LRP5: variants seen among roughly 807,000 people sequenced by gnomAD.
The protein encoded by LRP5 is LDL receptor related protein 5.
LRP5 carries 62 observed loss-of-function variants against 154.1 expected under a neutral mutation model. The observed-to-expected ratio is 0.40, with a 90% confidence interval of 0.33 to 0.50. The LOEUF is 0.50. Among genes scored for constraint, LRP5 ranks in the 20% least tolerant of loss-of-function variants. LRP5 has a pLI of 0.55. For synonymous variants in LRP5, 966 were observed against 1,011.5 expected (o/e 0.96, Z 0.85); for missense variants, 1,915 against 2,336.7 (o/e 0.82, Z 3.72).
chr11:68,316,524 G>A (rs551437621), intron 1 of LRP5, among the ~76,000 whole-genome samples: 4 of 152,252 alleles, frequency 2.6e-5, no homozygotes, highest in African/African-American at 7.2e-5. Context: ...TGCCGGCCTC[G>A]GCCTCCCAAA....
intron 1 of LRP5, among the ~76,000 whole-genome samples, chr11:68,337,144 A>G (rs769240485): frequency 1.3e-5 from 2 of 152,164 alleles, no homozygotes; most frequent in Admixed American, 6.5e-5. Flanking sequence ...TCTGAAGGAG[A>G]CGAATCGGGA....
rs368985815 is a variant in LRP5, at chr11:68,433,815, G to A, written c.3977G>A (p.Arg1326His). 2.5e-5 allele frequency: 41 copies of A among 1,612,374 alleles called. No individual in the cohort carries two copies. In the East Asian group the frequency reaches 4.5e-4, roughly 18 times the overall value. Reference sequence around the variant, plus strand: ...GACGGCGAGGCAGACTGTCAGGACCGCTCAGACGAGGCGGACTGTGACGGT... The same window carrying A: ...GACGGCGAGGCAGACTGTCAGGACCACTCAGACGAGGCGGACTGTGACGGT... ...RCDGEADCQD[R>H]SDEADCDAIC... The change falls in exon 18 of 23, where the codon CGC becomes CAC. Residue 1326 changes from arginine (R) to histidine (H), a missense_variant. Transcript: ENST00000294304.
At chr11:68,416,245 T>C in intron 12 of LRP5, 83 bp from the exon 13 acceptor site, 1 of 1,212,502 alleles carries the variant, frequency 8.2e-7, no homozygotes, top group Non-Finnish European at 1.2e-6. Context: ...AGCCGCCTGT[T>C]GTCGAGTGGC....
intron 13 of LRP5, among the ~76,000 whole-genome samples, chr11:68,419,540 ATT>A (rs1264189213): frequency 1.2e-4 from 13 of 112,812 alleles, no homozygotes; most frequent in Non-Finnish European, 9.5e-5. Flanking sequence ...AGCCATTTTA[ATT>A]TTTTTTTTTT....
At chr11:68,431,536 G>A (rs1591319559) in intron 17 of LRP5, among the ~76,000 whole-genome samples, 2 of 152,220 alleles carry the variant, frequency 1.3e-5, no homozygotes, top group East Asian at 1.9e-4. Flanking sequence ...CACCACACCC[G>A]GAGTGCCGGT....
chr11:68,426,369 T>C (rs1030846856), intron 16 of LRP5, among the ~76,000 whole-genome samples, 182 bp downstream of exon 16: 16 of 152,230 alleles, frequency 1.1e-4, no homozygotes, highest in African/African-American at 3.4e-4. Context: ...TGAGGTTGTT[T>C]TCTTTTGCCG....
intron 18 of LRP5, 89 bp from the exon 19 acceptor site, chr11:68,436,800 T>G: frequency 1.1e-6 from 1 of 901,106 alleles, no homozygotes; most frequent in Non-Finnish European, 1.8e-6. Flanking sequence ...CTGCTCTCTG[T>G]TTGGAGTCCA....
intron 7 of LRP5, 77 bp from the exon 8 acceptor site, chr11:68,403,406 G>T: frequency 7.6e-7 from 1 of 1,321,556 alleles, no homozygotes; most frequent in Non-Finnish European, 1.1e-6. Context: ...GGCAGCTCAG[G>T]CCCCAGGCAG....
rs1414161840 is a variant in LRP5 at position 68,409,047 on chromosome 11, T to TG, written c.2092-863dup. 4.1e-3 allele frequency among the ~76,000 whole-genome samples: 152 copies of TG among 36,794 alleles called. 2 individuals are homozygous for TG. Among genetic ancestry groups the TG allele is most frequent in the African/African-American group, 0.017 (137 of 8,058 alleles). The allele number at this position is 36,794 out of a possible 152,430, so 24.1% of individuals were successfully genotyped here. A position where few individuals can be genotyped will look rare whatever the true frequency, so the allele number is the denominator to read the frequency against. On this transcript the variant is annotated intron_variant, in intron 9 of 22. Transcript: ENST00000294304. ...CCTGAGCGACAGAGCAAGACTTATC[T>TG]GGGGAAAAAAAAAAAAAAAAAAAAA... is the stretch of plus-strand genomic sequence containing the variant.
intron 2 of LRP5, among the ~76,000 whole-genome samples, chr11:68,351,107 A>G (rs1365265484): frequency 3.9e-5 from 6 of 152,168 alleles, no homozygotes; most frequent in Non-Finnish European, 8.8e-5. Context: ...GGGTACCAGC[A>G]GGGGTGGGAC....
At chr11:68,425,370 C>T (rs899471185) in intron 15 of LRP5, 78 bp downstream of exon 15, 40 of 1,443,204 alleles carry the variant, frequency 2.8e-5, no homozygotes, top group Middle Eastern at 2.4e-4. Flanking sequence ...CCACATTGTC[C>T]GAGACCTGCC....
At chr11:68,365,431 C>G in intron 4 of LRP5, 140 bp from the exon 5 acceptor site, 1 of 1,270,068 alleles carries the variant, frequency 7.9e-7, no homozygotes, top group South Asian at 1.3e-5. Context: ...GGGGAGGTCC[C>G]TGATGCCACT....
In LRP5 at chr11:68,449,150, A is replaced by T; in HGVS notation, c.*80A>T. 8.3e-7 allele frequency: 1 copy of T among 1,198,284 alleles called. No individual in the cohort carries two copies. Among genetic ancestry groups the T allele is most frequent in the Non-Finnish European group, 1.1e-6 (1 of 906,952 alleles). 74.2% of individuals were successfully genotyped at this position (1,198,284 alleles called of 1,614,324 possible). A position where few individuals can be genotyped will look rare whatever the true frequency, so the allele number is the denominator to read the frequency against. Reference sequence around the variant, plus strand: ...AACAAAGAAAAAAATATATTTTATGATTTAAAAAATAAATATAATTGGGAT... The same window carrying T: ...AACAAAGAAAAAAATATATTTTATGTTTTAAAAAATAAATATAATTGGGAT... On this transcript the variant is annotated 3_prime_UTR_variant, in exon 23 of 23. Coordinates refer to ENST00000294304, the MANE Select transcript of LRP5 (RefSeq NM_002335.4).
intron 5 of LRP5, among the ~76,000 whole-genome samples, chr11:68,377,705 C>T (rs948856809): frequency 6.6e-6 from 1 of 152,252 alleles, no homozygotes; most frequent in African/African-American, 2.4e-5. Flanking sequence ...ACCGTGACCC[C>T]GTTCATCCTG....
In LRP5 at chr11:68,357,712, G is replaced by A. The variant is rs142649952; in HGVS notation, c.551G>A (p.Ser184Asn). Residue 184 changes from serine (S) to asparagine (N), a missense_variant, in exon 3 of 23, where the codon AGC becomes AAC. Ser to Asn is a conservative substitution (Grantham distance 46). This residue lies in a region of LRP5 where 773 missense variants were observed against 1,100.9 expected (regional missense o/e 0.70). Coordinates refer to ENST00000294304, the MANE Select transcript of LRP5 (RefSeq NM_002335.4). The stretch of plus-strand genomic sequence containing the variant: ...ATTGAGCGGGCAGGGATGGATGGCA[G>A]CACCCGGAAGATCATTGTGGACTCG... ...PRIERAGMDGSTRKIIVDSDI... is the reference protein window; with the variant it reads ...PRIERAGMDGNTRKIIVDSDI... The A allele has an allele frequency of 1.2e-5, 20 of 1,614,032 alleles. No individual in the cohort carries two copies. The highest frequency in any genetic ancestry group is 8.0e-5 in the African/African-American group (6 of 74,940).
rs1433781567 is a variant in LRP5, at chr11:68,416,401, G to A, written c.2901G>A (p.Pro967=). The A allele has an allele frequency of 5.6e-6, 9 of 1,614,012 alleles. No individual in the cohort carries two copies. In the South Asian group the frequency reaches 7.7e-5, roughly 14 times the overall value. Residue 967 remains proline (P), a synonymous_variant, in exon 13 of 23, where the codon CCG becomes CCA. Transcript: ENST00000294304. The stretch of plus-strand genomic sequence containing the variant: ...TGATCCCGGACGACCAGCACAGCCC[G>A]GATCTCATCCTGCCCCTGCATGGAC... The part of the protein sequence containing the change: ...SRMIPDDQHS[P]DLILPLHGLR...
rs1347844072 is a variant in LRP5 at position 68,411,424 on chromosome 11, T to C, written c.2319-12T>C. ...ACTCACTGAGCCTGCCCTTCTCCCT[T>C]GTGCCTTCCAGCTACATCTACTGGA... On this transcript the variant is annotated splice_polypyrimidine_tract_variant and intron_variant, in intron 10 of 22. Transcript: ENST00000294304. 1 of 1,609,600 alleles carries C rather than the reference T, an allele frequency of 6.2e-7. No individual in the cohort carries two copies. Among genetic ancestry groups the C allele is most frequent in the Admixed American group, 1.7e-5 (1 of 60,012 alleles).
At chr11:68,351,309 C>T (rs1483092583) in intron 2 of LRP5, among the ~76,000 whole-genome samples, 2 of 152,076 alleles carry the variant, frequency 1.3e-5, no homozygotes, top group Non-Finnish European at 2.9e-5. Flanking sequence ...GCCGGGGAGC[C>T]AGCTGACCTC....
At chr11:68,408,738 G>C (rs1265473660) in intron 9 of LRP5, among the ~76,000 whole-genome samples, 1 of 151,978 alleles carries the variant, frequency 6.6e-6, no homozygotes, top group East Asian at 1.9e-4. Flanking sequence ...AGGCTTAACT[G>C]TTCTTTTATT....
Sources: allele counts gnomAD v4.1 joint callset (sites outside exome capture counted in the v4.1 genomes callset), GRCh38; gene constraint gnomAD v4.1.1; regional missense constraint gnomAD v4.1.1; transcripts MANE v1.5; gene names NCBI Gene and HGNC (gene_info 2026-07-23, HGNC 2026-07-21).